AKAP6: variants seen among roughly 807,000 people sequenced by gnomAD.
AKAP6 encodes the protein A-kinase anchoring protein 6, also known as A-kinase anchor protein 6.
AKAP6 carries 58 observed loss-of-function variants against 188.5 expected under a neutral mutation model. The observed-to-expected ratio is 0.31, with a 90% CI of 0.25 to 0.38. AKAP6 has a LOEUF of 0.38. Ranked by LOEUF, AKAP6 falls within the 10% of genes least tolerant of loss-of-function variation. The probability of loss-of-function intolerance (pLI) is 1.00; values close to 1 mark genes in which losing one functional copy is unlikely to be tolerated. For missense variants in AKAP6, 2,710 were observed against 2,740.0 expected, an observed-to-expected ratio of 0.99 and a Z score of 0.24; for synonymous variants, 989 against 998.6, an observed-to-expected ratio of 0.99 and a Z score of 0.18.
chr14:32,639,469 C>A (rs1278039819), intron 7 of AKAP6, among the ~76,000 whole-genome samples: 1 of 152,072 alleles, frequency 6.6e-6, no homozygotes, highest in Non-Finnish European at 1.5e-5. Context: ...AAGAATCATT[C>A]ATATGTGTAT....
chr14:32,366,823 G>A (rs1887850996), intron 1 of AKAP6, among the ~76,000 whole-genome samples: 1 of 152,072 alleles, frequency 6.6e-6, no homozygotes, highest in South Asian at 2.1e-4. Context: ...TGTGAAAATT[G>A]AGGTGTTCAA....
At chr14:32,495,567 A>G (rs1232821027) in intron 2 of AKAP6, among the ~76,000 whole-genome samples, 1 of 152,208 alleles carries the variant, frequency 6.6e-6, no homozygotes, top group African/African-American at 2.4e-5. Context: ...TGCCAAATGA[A>G]CGTCTTCGTA....
intron 7 of AKAP6, among the ~76,000 whole-genome samples, chr14:32,675,037 T>G (rs892251443): frequency 2.6e-5 from 4 of 152,178 alleles, no homozygotes; most frequent in African/African-American, 9.6e-5. Flanking sequence ...TTGTCAGCTC[T>G]CTCCCATGGC....
chr14:32,398,164 A>G (rs1194013886), intron 1 of AKAP6, among the ~76,000 whole-genome samples: 1 of 152,208 alleles, frequency 6.6e-6, no homozygotes, highest in African/African-American at 2.4e-5. Context: ...TTAAATGAGA[A>G]ACATAATTGG....
At chr14:32,596,232 T>C (rs1885698557) in intron 5 of AKAP6, among the ~76,000 whole-genome samples, 1 of 152,192 alleles carries the variant, frequency 6.6e-6, no homozygotes, top group African/African-American at 2.4e-5. Context: ...AAGGCGTATA[T>C]TTCCTTGGTT....
chr14:32,397,978 C>T (rs1352096629), intron 1 of AKAP6, among the ~76,000 whole-genome samples: 4 of 152,190 alleles, frequency 2.6e-5, no homozygotes, highest in Non-Finnish European at 5.9e-5. Context: ...TAGTGCTGTA[C>T]TAGTCTGGCA....
intron 4 of AKAP6, among the ~76,000 whole-genome samples, chr14:32,569,308 C>T (rs1276664506): frequency 1.3e-5 from 2 of 152,160 alleles, no homozygotes; most frequent in Admixed American, 1.3e-4. Flanking sequence ...TTTCATTGGG[C>T]GTTTCAGTAT....
chr14:32,696,544 A>G (rs1465907224), intron 9 of AKAP6, among the ~76,000 whole-genome samples: 1 of 152,210 alleles, frequency 6.6e-6, no homozygotes, highest in East Asian at 1.9e-4. Flanking sequence ...TGCTGCTGCC[A>G]AAGTACAGGC....
chr14:32,637,312 A>G (rs1887539368), intron 7 of AKAP6, among the ~76,000 whole-genome samples: 1 of 152,122 alleles, frequency 6.6e-6, no homozygotes, highest in African/African-American at 2.4e-5. Context: ...ATAGCATTAT[A>G]TTCTGAGATA....
chr14:32,451,521 G>A (rs1304638391), intron 2 of AKAP6, among the ~76,000 whole-genome samples: 3 of 152,158 alleles, frequency 2.0e-5, no homozygotes, highest in African/African-American at 7.2e-5. Context: ...TGTATAAAAT[G>A]TGCACTTGGG....
intron 12 of AKAP6, among the ~76,000 whole-genome samples, chr14:32,776,320 G>A (rs2140001999): frequency 6.6e-6 from 1 of 152,278 alleles, no homozygotes; most frequent in East Asian, 1.9e-4. Context: ...TCTCATGGTA[G>A]TGAATAAGTC....
rs188903830 is a variant in AKAP6 at position 32,547,796 on chromosome 14, G to A, written c.2346+797G>A. Among the ~76,000 whole-genome samples, 767 of 151,460 alleles carry A rather than the reference G, an allele frequency of 5.1e-3. 1 individual carries two copies. The highest frequency in any genetic ancestry group is 7.8e-3 in the Non-Finnish European group (531 of 67,910). On this transcript the variant is annotated intron_variant, in intron 4 of 13. Transcript: ENST00000280979. ...GAGGTTGAGGCTGCAGTGAGTTGTGGTCATGCCACTGCACTCCAACCTGGG... is the reference window on the plus strand; with the variant it reads ...GAGGTTGAGGCTGCAGTGAGTTGTGATCATGCCACTGCACTCCAACCTGGG...
chr14:32,456,240 G>A (rs1323888186), intron 2 of AKAP6, among the ~76,000 whole-genome samples: 2 of 151,738 alleles, frequency 1.3e-5, no homozygotes, highest in African/African-American at 4.8e-5. Flanking sequence ...CATTCACCAT[G>A]GTTTAATTTT....
At chr14:32,566,999 T>TGCAGCCTGGAACTCCTGGGCTCAA (rs1884222047) in intron 4 of AKAP6, among the ~76,000 whole-genome samples, 1 of 152,128 alleles carries the variant, frequency 6.6e-6, no homozygotes, top group African/African-American at 2.4e-5. Flanking sequence ...TCAGAGCTCC[T>TGCAGCCTGGAACTCCTGGGCTCAA]GCAGCCTGGA....
intron 1 of AKAP6, among the ~76,000 whole-genome samples, chr14:32,373,106 G>T (rs922510517): frequency 4.0e-5 from 6 of 151,594 alleles, no homozygotes; most frequent in African/African-American, 1.2e-4. Flanking sequence ...TTGGGGGGGT[G>T]GGGTATAAGT....
chr14:32,778,711 A>AG (rs1410307601), intron 12 of AKAP6, among the ~76,000 whole-genome samples: 2 of 135,920 alleles, frequency 1.5e-5, no homozygotes, highest in Non-Finnish European at 3.1e-5. Flanking sequence ...ATACCCAGCA[A>AG]TTTTTTTTTT....
rs1009374831 is a variant in AKAP6 at position 32,568,033 on chromosome 14, A to G, written c.2347-9087A>G. On this transcript the variant is annotated intron_variant, in intron 4 of 13. Transcript: ENST00000280979. The surrounding 1 kb of genome is among the most constrained non-coding windows in gnomAD (Gnocchi z 6.2). ...AAAGAGAAAAAAGAGGCAAAACAAC[A>G]ATAGTCAAGGAAGAAAGAAAAGAAA... Among the ~76,000 whole-genome samples, 4 of 152,108 alleles carry G rather than the reference A, an allele frequency of 2.6e-5. No individual in the cohort carries two copies. The highest frequency in any genetic ancestry group is 5.9e-5 in the Non-Finnish European group (4 of 68,020).
At chr14:32,727,041 A>G (rs1172745303) in intron 9 of AKAP6, among the ~76,000 whole-genome samples, 1 of 152,196 alleles carries the variant, frequency 6.6e-6, no homozygotes, top group African/African-American at 2.4e-5. Context: ...CTTCAGAAGG[A>G]TATCAAATTT....
At chr14:32,670,911 G>A (rs1177582962) in intron 7 of AKAP6, among the ~76,000 whole-genome samples, 1 of 152,094 alleles carries the variant, frequency 6.6e-6, no homozygotes, top group African/African-American at 2.4e-5. Flanking sequence ...CATTTTAGAT[G>A]TTCAAACTCA....
Sources: allele counts gnomAD v4.1 joint callset (sites outside exome capture counted in the v4.1 genomes callset), GRCh38; gene constraint gnomAD v4.1.1; non-coding constraint Gnocchi (gnomAD v3.1); transcripts MANE v1.5; gene names NCBI Gene and HGNC (gene_info 2026-07-23, HGNC 2026-07-21).